The following NCOR1 variants were observed in gnomAD, a reference collection of about 807,000 sequenced individuals.
The protein encoded by NCOR1 is protein phosphatase 1, regulatory subunit 109.
NCOR1 carries 63 observed loss-of-function variants against 288.1 expected under a neutral mutation model. That is an observed-to-expected ratio of 0.22 (90% CI 0.18 to 0.27). The LOEUF (loss-of-function observed/expected upper bound fraction) is 0.27, where lower values mean the gene tolerates loss of function less well. Among genes scored for constraint, NCOR1 ranks in the 10% least tolerant of loss-of-function variants. The pLI is 1.00. For synonymous variants in NCOR1, 1,007 were observed against 1,065.9 expected (o/e 0.94, Z 1.08); for missense variants, 2,397 against 3,019.2 (o/e 0.79, Z 4.83).
In NCOR1 at chr17:16,079,968, G is replaced by T; in HGVS notation, c.3497C>A (p.Thr1166Asn). ...ESIPSLRGSI[T>N]QGTPALPQTG... ...TCAGAGATGATCGTGACTAACCTGA[G>T]TGATAGAGCCCCGTAGGGATGGAAT... is the stretch of plus-strand genomic sequence containing the variant. Residue 1166 changes from threonine to asparagine, a missense_variant, in exon 26 of 46, where the codon ACT becomes AAT. Thr to Asn is a moderately conservative substitution (Grantham distance 65). Coordinates refer to ENST00000268712, the MANE Select transcript of NCOR1 (RefSeq NM_006311.4). 6.2e-7 allele frequency: 1 copy of T among 1,612,352 alleles called. No homozygotes were observed. Among genetic ancestry groups the T allele is most frequent in the Non-Finnish European group, 8.5e-7 (1 of 1,178,424 alleles).
chr17:16,099,751 T>C (rs1210436307), intron 20 of NCOR1, among the ~76,000 whole-genome samples: 2 of 152,190 alleles, frequency 1.3e-5, no homozygotes, highest in East Asian at 3.8e-4. Context: ...CTGACACCAT[T>C]AAAATAAAAT....
intron 18 of NCOR1, among the ~76,000 whole-genome samples, chr17:16,115,893 A>G (rs186429887): frequency 6.7e-4 from 102 of 152,292 alleles, no homozygotes; most frequent in Non-Finnish European, 1.3e-3. Context: ...CTTTTCACCA[A>G]CACCCTACTC....
Position 16,123,761 on chromosome 17 carries a change from C to T in NCOR1, c.1634+2321G>A, listed in dbSNP as rs764801423. Among the ~76,000 whole-genome samples, 27 of 152,226 alleles carry T rather than the reference C, an allele frequency of 1.8e-4. 1 individual carries two copies. Among genetic ancestry groups the T allele is most frequent in the Admixed American group, 1.6e-3 (24 of 15,280 alleles). On this transcript the variant is annotated intron_variant, in intron 15 of 45. Transcript: ENST00000268712. ...CAAATTATCCACAGAGAAGTAGCCT[C>T]GACCTCTTCTTAATCTGCCAAAGCA...
intron 40 of NCOR1, 159 bp downstream of exon 40, chr17:16,057,355 C>T (rs2060053079): frequency 1.5e-6 from 1 of 673,400 alleles, no homozygotes; most frequent in African/African-American, 1.8e-5. Context: ...AGTGGACATT[C>T]TAAGAATAAT....
chr17:16,070,477 G>A lies in NCOR1; in HGVS notation c.4201C>T (p.His1401Tyr), dbSNP rs1389611987. ...CCCGTGATTAAGGATTTGACATTGT[G>A]TTTGATGGCAGATTGACCTGAGTTG... ...DNNSGQSAIK[H>Y]NVKSLITGPS... Residue 1401 changes from histidine (H) to tyrosine (Y), a missense_variant, in exon 31 of 46, where the codon CAC (histidine) becomes TAC (tyrosine). Coordinates refer to ENST00000268712, the MANE Select transcript of NCOR1 (RefSeq NM_006311.4). 6.2e-7 allele frequency: 1 copy of A among 1,614,194 alleles called. No individual in the cohort carries two copies. Among genetic ancestry groups the A allele is most frequent in the Non-Finnish European group, 8.5e-7 (1 of 1,180,022 alleles).
rs538333292 is a variant in NCOR1, at chr17:16,033,663, CTG to C, written c.7135+1100_7135+1101del. ...TTCGTAATATCCCAGTTTTAAAAGT[CTG>C]TTGCTTTTTAAAGCTACTGTGATCA... On this transcript the variant is annotated intron_variant, in intron 45 of 45. Coordinates refer to ENST00000268712, the MANE Select transcript of NCOR1 (RefSeq NM_006311.4). Among the ~76,000 whole-genome samples the C allele has an allele frequency of 3.4e-3, 475 of 140,284 alleles. 2 individuals are homozygous for C. Among genetic ancestry groups the C allele is most frequent in the African/African-American group, 0.012 (451 of 37,266 alleles). The allele number at this position is 140,284 out of a possible 152,430, so 92.0% of individuals were successfully genotyped here.
intron 28 of NCOR1, among the ~76,000 whole-genome samples, chr17:16,072,706 T>C (rs1347141671): frequency 1.3e-5 from 2 of 152,136 alleles, no homozygotes; most frequent in African/African-American, 4.8e-5. Flanking sequence ...AAATCAAGGG[T>C]TAGAAATAAC....
At chr17:16,076,473 T>C (rs755651376) in intron 26 of NCOR1, among the ~76,000 whole-genome samples, 4 of 152,198 alleles carry the variant, frequency 2.6e-5, no homozygotes, top group Non-Finnish European at 4.4e-5. Context: ...AGAGCAATCA[T>C]TGATGCTGAT....
intron 27 of NCOR1, among the ~76,000 whole-genome samples, chr17:16,074,320 G>A (rs1288888276): frequency 6.6e-6 from 1 of 151,204 alleles, no homozygotes; most frequent in Non-Finnish European, 1.5e-5. Flanking sequence ...GAGACTGAAG[G>A]TAGGGAGATG....
At chr17:16,089,107 C>A in intron 22 of NCOR1, among the ~76,000 whole-genome samples, 1 of 150,158 alleles carries the variant, frequency 6.7e-6, no homozygotes. Context: ...AAAAAAAATC[C>A]ACTGGTCATA....
intron 12 of NCOR1, among the ~76,000 whole-genome samples, chr17:16,138,496 A>C (rs1413514216): frequency 6.6e-6 from 1 of 152,180 alleles, no homozygotes; most frequent in Non-Finnish European, 1.5e-5. Flanking sequence ...GAGGCAGGAG[A>C]ATCGCTTGAA....
intron 7 of NCOR1, among the ~76,000 whole-genome samples, chr17:16,152,318 G>C (rs569664055): frequency 2.1e-4 from 31 of 149,568 alleles, no homozygotes; most frequent in African/African-American, 6.2e-4. Flanking sequence ...CCCACCCCCT[G>C]ACAGGCCCCG....
chr17:16,081,064 T>C (rs962734280), intron 23 of NCOR1, among the ~76,000 whole-genome samples: 1 of 151,836 alleles, frequency 6.6e-6, no homozygotes, highest in African/African-American at 2.4e-5. Flanking sequence ...CGACTAAAAA[T>C]GCTATGGAGA....
rs143139828 is a variant in NCOR1, at chr17:16,037,360, A to G, written c.6955+2073T>C. On this transcript the variant is annotated intron_variant, in intron 44 of 45. Coordinates refer to ENST00000268712, the MANE Select transcript of NCOR1 (RefSeq NM_006311.4). ...ACAAAGGAGAGCCCATGCTATTAGA[A>G]AAATAATGCTGATAGACTTGCTTGA... is the stretch of plus-strand genomic sequence containing the variant. Among the ~76,000 whole-genome samples the G allele has an allele frequency of 2.5e-3, 386 of 152,342 alleles. 1 individual carries two copies. Among genetic ancestry groups the G allele is most frequent in the Middle Eastern group, 0.01 (3 of 294 alleles).
chr17:16,122,411 G>T (rs1288674451), intron 15 of NCOR1, among the ~76,000 whole-genome samples: 2 of 152,064 alleles, frequency 1.3e-5, no homozygotes, highest in Admixed American at 1.3e-4. Flanking sequence ...CTTCTATTCT[G>T]AAGCCTCCTG....
chr17:16,070,370 CTCA>C lies in NCOR1; in HGVS notation c.4305_4307del (p.Tyr1435_Glu1436delinsTer). The stretch of plus-strand genomic sequence containing the variant: ...GCACGGTCTCGCCTGCTTTCACATC[CTCA>C]TATTTTCCCCGTTCTACCACTTTTA... On this transcript the variant is annotated stop_gained and inframe_deletion, in exon 31 of 46. Coordinates refer to ENST00000268712, the MANE Select transcript of NCOR1 (RefSeq NM_006311.4). LOFTEE classifies it high-confidence loss of function. 6.2e-7 allele frequency: 1 copy of C among 1,614,196 alleles called. No homozygotes were observed. The highest frequency in any genetic ancestry group is 2.2e-5 in the East Asian group (1 of 44,880).
At chr17:16,139,445 A>G (rs1450160961) in intron 11 of NCOR1, among the ~76,000 whole-genome samples, 2 of 152,232 alleles carry the variant, frequency 1.3e-5, no homozygotes, top group Non-Finnish European at 2.9e-5. Flanking sequence ...TCTTAAACTA[A>G]GCTGATACTT....
chr17:16,092,112 T>A (rs2065266492), intron 21 of NCOR1, 54 bp from the exon 22 acceptor site: 2 of 1,581,432 alleles, frequency 1.3e-6, no homozygotes, highest in South Asian at 2.2e-5. Context: ...ATAATTGCCA[T>A]CTCTTAACAA....
At chr17:16,130,736 T>C (rs748859134) in intron 14 of NCOR1, among the ~76,000 whole-genome samples, 1 of 152,168 alleles carries the variant, frequency 6.6e-6, no homozygotes, top group Non-Finnish European at 1.5e-5. Context: ...CAGGCTGGAG[T>C]ACAGCGGCGC....
Sources: allele counts gnomAD v4.1 joint callset (sites outside exome capture counted in the v4.1 genomes callset), GRCh38; gene constraint gnomAD v4.1.1; transcripts MANE v1.5; gene names NCBI Gene and HGNC (gene_info 2026-07-23, HGNC 2026-07-21).